PAPPA: variants seen among roughly 807,000 people sequenced by gnomAD.
The protein encoded by PAPPA is pappalysin 1, also known as pappalysin-1.
In PAPPA, 60 loss-of-function variants were observed where a neutral mutation model predicts 164.0. The observed-to-expected ratio is 0.37, with a 90% confidence interval of 0.30 to 0.45. The LOEUF (loss-of-function observed/expected upper bound fraction) is 0.45. Ranked by LOEUF, PAPPA falls within the 20% of genes least tolerant of loss-of-function variation. The pLI is 1.00. For synonymous variants in PAPPA, 875 were observed against 814.1 expected, an observed-to-expected ratio of 1.07 and a Z score of -1.27; for missense variants, 1,782 against 2,087.3, an observed-to-expected ratio of 0.85 and a Z score of 2.85.
At chr9:116,288,449 T>C (rs150729577) in intron 9 of PAPPA, among the ~76,000 whole-genome samples, 1,786 of 69,440 alleles carry the variant, frequency 0.026, 16 homozygotes, top group South Asian at 0.051. Flanking sequence ...CTCCCTCCCT[T>C]CCTTCCTTCC....
chr9:116,396,657 C>CT lies in PAPPA; in HGVS notation c.*41_*42insT. On this transcript the variant is annotated 3_prime_UTR_variant, in exon 22 of 22. Coordinates refer to ENST00000328252, the MANE Select transcript of PAPPA (RefSeq NM_002581.5). ...TGTCAAAGAATTCCCAACGCCAGGA[C>CT]CCACATCCCTTTGGTATTGATTTCA... is the stretch of plus-strand genomic sequence containing the variant. 1.3e-6 allele frequency: 1 copy of CT among 774,370 alleles called. No individual in the cohort carries two copies. Among genetic ancestry groups the CT allele is most frequent in the South Asian group, 1.4e-5 (1 of 73,766 alleles). The allele number at this position is 774,370 out of a possible 1,614,324, so 48.0% of individuals were successfully genotyped here. A position where few individuals can be genotyped will look rare whatever the true frequency, so the allele number is the denominator to read the frequency against.
intron 10 of PAPPA, among the ~76,000 whole-genome samples, chr9:116,309,012 T>C (rs1455822342): frequency 6.6e-6 from 1 of 152,126 alleles, no homozygotes; most frequent in Non-Finnish European, 1.5e-5. Flanking sequence ...ACAAGCTATG[T>C]GCTATACATA....
At chr9:116,324,588 G>T (rs945863229) in intron 10 of PAPPA, among the ~76,000 whole-genome samples, 1 of 152,188 alleles carries the variant, frequency 6.6e-6, no homozygotes, top group African/African-American at 2.4e-5. Context: ...AACTTGACAA[G>T]TGCTGTAACT....
chr9:116,172,077 G>A (rs112107501), intron 1 of PAPPA, among the ~76,000 whole-genome samples: 1 of 151,978 alleles, frequency 6.6e-6, no homozygotes, highest in African/African-American at 2.4e-5. Context: ...AATATGTGTC[G>A]GGCACTGTTC....
At chr9:116,160,818 T>A (rs1263320061) in intron 1 of PAPPA, among the ~76,000 whole-genome samples, 1 of 152,218 alleles carries the variant, frequency 6.6e-6, no homozygotes, top group Non-Finnish European at 1.5e-5. Flanking sequence ...GATTCTGACA[T>A]CAGCAGCTGA....
chr9:116,242,658 A>C (rs1232195613), intron 7 of PAPPA, among the ~76,000 whole-genome samples: 2 of 152,206 alleles, frequency 1.3e-5, no homozygotes, highest in Non-Finnish European at 2.9e-5. Context: ...CCTTGCAGGC[A>C]CATACATGCA....
chr9:116,204,314 T>G lies in PAPPA; in HGVS notation c.1479-3142T>G, dbSNP rs3827666. 6.6e-3 allele frequency among the ~76,000 whole-genome samples: 1,000 copies of G among 151,844 alleles called. 32 individuals carry two copies. In the East Asian group the frequency reaches 0.11, roughly 16 times the overall value. ...TCTACAGACTAATACATGCACAGAG[T>G]TGGACAGACAACTTGCCCATAGATA... is the stretch of plus-strand genomic sequence containing the variant. On this transcript the variant is annotated intron_variant, in intron 2 of 21. Coordinates refer to ENST00000328252, the MANE Select transcript of PAPPA (RefSeq NM_002581.5).
At chr9:116,274,781 CCTT>C (rs1174137592) in intron 9 of PAPPA, among the ~76,000 whole-genome samples, 1 of 152,226 alleles carries the variant, frequency 6.6e-6, no homozygotes, top group Non-Finnish European at 1.5e-5. Flanking sequence ...CCAAGCATCT[CCTT>C]CTCCCCGTCT....
intron 10 of PAPPA, among the ~76,000 whole-genome samples, chr9:116,323,049 T>C (rs1845879249): frequency 6.6e-6 from 1 of 152,128 alleles, no homozygotes; most frequent in South Asian, 2.1e-4. Flanking sequence ...TCATGGCATG[T>C]CCCCTGTGTG....
intron 7 of PAPPA, among the ~76,000 whole-genome samples, chr9:116,255,537 C>T (rs961079365): frequency 6.6e-6 from 1 of 151,876 alleles, no homozygotes; most frequent in Non-Finnish European, 1.5e-5. Context: ...AGGGGCAAGA[C>T]ATGCAAGAAA....
At chr9:116,236,189 A>C (rs943773346) in intron 7 of PAPPA, among the ~76,000 whole-genome samples, 1 of 152,156 alleles carries the variant, frequency 6.6e-6, no homozygotes, top group East Asian at 1.9e-4. Flanking sequence ...GAGGCAGAAC[A>C]GTGGTTCAAA....
intron 8 of PAPPA, among the ~76,000 whole-genome samples, chr9:116,268,610 G>A (rs1450283366): frequency 1.3e-5 from 2 of 151,976 alleles, no homozygotes; most frequent in East Asian, 1.9e-4. Context: ...AGATATAGAT[G>A]AATTGGTTAA....
intron 10 of PAPPA, among the ~76,000 whole-genome samples, chr9:116,313,160 C>T (rs915613186): frequency 6.6e-6 from 1 of 151,850 alleles, no homozygotes; most frequent in African/African-American, 2.4e-5. Context: ...ATCCAAGCAC[C>T]AGAGCACCCT....
chr9:116,347,696 G>A lies in PAPPA; in HGVS notation c.3964+487G>A, dbSNP rs1333478046. Among the ~76,000 whole-genome samples, 5 of 152,272 alleles carry A rather than the reference G, an allele frequency of 3.3e-5. No individual in the cohort carries two copies. The highest frequency in any genetic ancestry group is 2.6e-4 in the Admixed American group (4 of 15,300). On this transcript the variant is annotated intron_variant, in intron 15 of 21. Coordinates refer to ENST00000328252, the MANE Select transcript of PAPPA (RefSeq NM_002581.5). This position sits in a 1 kb window ranked among gnomAD's most constrained non-coding sequence, Gnocchi z 4.5. ...GGGGACCATATTGAAACCCAGGTCT[G>A]TTGTTCTCCAATGCTGGCTGCCACT... is the stretch of plus-strand genomic sequence containing the variant.
At position 116,386,692 on chromosome 9, in the gene PAPPA, C is replaced by T. The variant is rs1284561960; in HGVS notation, c.4776+4199C>T. Among the ~76,000 whole-genome samples, 5 of 152,174 alleles carry T rather than the reference C, an allele frequency of 3.3e-5. No individual in the cohort carries two copies. The East Asian group carries it at 5.8e-4, about 18-fold the overall frequency. Reference sequence around the variant, plus strand: ...ATGCAGGGTGCCTGTGTCCTTGGCACACCTTGGCATGACCCTCCCTGTTCT... The same window carrying T: ...ATGCAGGGTGCCTGTGTCCTTGGCATACCTTGGCATGACCCTCCCTGTTCT... On this transcript the variant is annotated intron_variant, in intron 21 of 21. Coordinates refer to ENST00000328252, the MANE Select transcript of PAPPA (RefSeq NM_002581.5).
At chr9:116,184,928 C>T (rs1564176496) in intron 1 of PAPPA, among the ~76,000 whole-genome samples, 1 of 152,196 alleles carries the variant, frequency 6.6e-6, no homozygotes, top group Admixed American at 6.5e-5. Context: ...CCATTGCTCT[C>T]GAGAAGAAAA....
chr9:116,157,421 T>TGGA (rs1184863099), intron 1 of PAPPA, among the ~76,000 whole-genome samples: 1 of 152,150 alleles, frequency 6.6e-6, no homozygotes, highest in Non-Finnish European at 1.5e-5. Context: ...AGGGAAGGCT[T>TGGA]ATGCAGGCAA....
intron 4 of PAPPA, among the ~76,000 whole-genome samples, 165 bp from the exon 5 acceptor site, chr9:116,219,771 AT>A (rs1844419318): frequency 6.6e-6 from 1 of 152,068 alleles, no homozygotes; most frequent in Non-Finnish European, 1.5e-5. Context: ...GACTACACTA[AT>A]TTGTTCACAG....
rs933314326 is a variant in PAPPA, at chr9:116,169,002, A to G, written c.415+14415A>G. 4.6e-5 allele frequency among the ~76,000 whole-genome samples: 7 copies of G among 152,210 alleles called. 1 individual carries two copies. In the South Asian group the frequency reaches 1.0e-3, roughly 23 times the overall value. Reference sequence around the variant, plus strand: ...ACAATGTTAAATGAACGAACAGATTAGAGATGGCTCCAAATAAGGAATAAC... The same window carrying G: ...ACAATGTTAAATGAACGAACAGATTGGAGATGGCTCCAAATAAGGAATAAC... On this transcript the variant is annotated intron_variant, in intron 1 of 21. Coordinates refer to ENST00000328252, the MANE Select transcript of PAPPA (RefSeq NM_002581.5).
Sources: gnomAD v4.1 joint callset for allele counts (sites outside exome capture counted in the v4.1 genomes callset) on GRCh38, gnomAD v4.1.1 for gene constraint, Gnocchi (gnomAD v3.1) non-coding constraint, MANE v1.5 for transcripts, NCBI Gene and HGNC (gene_info 2026-07-23, HGNC 2026-07-21) for gene names.